Variants in RFTN2 observed in about 807,000 individuals in gnomAD.
The protein encoded by RFTN2 is raftlin-2.
In RFTN2, 34 loss-of-function variants were observed where a neutral mutation model predicts 52.7. That is an observed-to-expected ratio of 0.64 (90% CI 0.49 to 0.86). The LOEUF (loss-of-function observed/expected upper bound fraction) is 0.86, where lower values mean the gene tolerates loss of function less well. RFTN2 is among the 40% of genes least tolerant of loss of function. The pLI, the probability that RFTN2 is intolerant of heterozygous loss-of-function variation, is 0.00. For missense variants in RFTN2, 536 were observed against 600.1 expected, an observed-to-expected ratio of 0.89 and a Z score of 1.12; for synonymous variants, 203 against 217.7, an observed-to-expected ratio of 0.93 and a Z score of 0.59.
intron 5 of RFTN2, among the ~76,000 whole-genome samples, chr2:197,622,944 T>A (rs904809458): frequency 2.6e-5 from 4 of 152,224 alleles, no homozygotes; most frequent in Admixed American, 6.5e-5. Context: ...GAAAAAAAGA[T>A]GCCTTTCAAA....
intron 7 of RFTN2, among the ~76,000 whole-genome samples, chr2:197,608,190 C>T (rs1333650567): frequency 6.6e-6 from 1 of 152,164 alleles, no homozygotes; most frequent in Non-Finnish European, 1.5e-5. Context: ...CTGTGATGCC[C>T]ATGAGGCTGT....
chr2:197,629,637 A>C (rs2088428000), intron 5 of RFTN2, among the ~76,000 whole-genome samples: 1 of 151,878 alleles, frequency 6.6e-6, no homozygotes, highest in South Asian at 2.1e-4. Context: ...AGAGGCTTCC[A>C]ATAACCAAAA....
Position 197,625,176 on chromosome 2 carries a change from A to G in RFTN2, c.928+5835T>C, listed in dbSNP as rs189330849. 1.2e-4 allele frequency among the ~76,000 whole-genome samples: 19 copies of G among 152,242 alleles called. No individual in the cohort carries two copies. In the East Asian group the frequency reaches 2.5e-3, roughly 20 times the overall value. On this transcript the variant is annotated intron_variant, in intron 5 of 8. Coordinates refer to ENST00000295049, the MANE Select transcript of RFTN2 (RefSeq NM_144629.3). ...TTCTTTTCAAATATATTCATCTTAC[A>G]TAAAAGCCACTCAATCTTAAAGTAA...
chr2:197,598,952 C>T (rs927490281), intron 7 of RFTN2, among the ~76,000 whole-genome samples: 1 of 151,730 alleles, frequency 6.6e-6, no homozygotes, highest in African/African-American at 2.4e-5. Flanking sequence ...CCATATTCTT[C>T]TTCTTCTTTT....
intron 8 of RFTN2, among the ~76,000 whole-genome samples, chr2:197,579,310 CCT>C (rs1055576502): frequency 6.6e-6 from 1 of 152,158 alleles, no homozygotes; most frequent in Non-Finnish European, 1.5e-5. Context: ...ATGTCTCTAC[CCT>C]CTCTTTTCTC....
At chr2:197,618,006 G>A (rs1368384937) in intron 5 of RFTN2, 85 bp from the exon 6 acceptor site, 13 of 1,048,652 alleles carry the variant, frequency 1.2e-5, no homozygotes, top group Non-Finnish European at 1.7e-5. Flanking sequence ...AACTCATATA[G>A]GAAACTGAAG....
chr2:197,614,670 C>T (rs2088113731), intron 7 of RFTN2, among the ~76,000 whole-genome samples: 2 of 152,242 alleles, frequency 1.3e-5, no homozygotes, highest in Non-Finnish European at 2.9e-5. Flanking sequence ...ACCTGCCCAT[C>T]TGTGTGCTTC....
intron 8 of RFTN2, among the ~76,000 whole-genome samples, chr2:197,573,068 A>G (rs1458526602): frequency 6.6e-6 from 1 of 151,588 alleles, no homozygotes; most frequent in Non-Finnish European, 1.5e-5. Flanking sequence ...CAGGATGAGA[A>G]CAGACTAATA....
At chr2:197,672,216 CTAGAT>C (rs1472585495) in intron 1 of RFTN2, among the ~76,000 whole-genome samples, 1 of 152,102 alleles carries the variant, frequency 6.6e-6, no homozygotes. Flanking sequence ...TTCGGCCTAC[CTAGAT>C]GAAACTTTAA....
chr2:197,612,468 A>C (rs531265439), intron 7 of RFTN2, among the ~76,000 whole-genome samples: 67 of 152,292 alleles, frequency 4.4e-4, no homozygotes, highest in African/African-American at 1.5e-3. Flanking sequence ...CTTCTCCTTT[A>C]TTTTGGTGGT....
chr2:197,671,780 T>C (rs1194604580), intron 1 of RFTN2, among the ~76,000 whole-genome samples: 1 of 152,208 alleles, frequency 6.6e-6, no homozygotes, highest in South Asian at 2.1e-4. Context: ...GAAATTCAGA[T>C]AAGGAAGCTA....
intron 7 of RFTN2, among the ~76,000 whole-genome samples, chr2:197,608,980 T>A (rs975236259): frequency 1.2e-4 from 18 of 152,258 alleles, no homozygotes; most frequent in Admixed American, 1.2e-3. Flanking sequence ...TTTTTATGGC[T>A]GCATAGCATT....
At chr2:197,656,264 G>A (rs550462789) in intron 1 of RFTN2, among the ~76,000 whole-genome samples, 56 of 152,232 alleles carry the variant, frequency 3.7e-4, no homozygotes, top group Non-Finnish European at 6.5e-4. Context: ...CACACAGTAA[G>A]TGCTCTACAA....
At chr2:197,649,567 C>G (rs2088798127) in intron 1 of RFTN2, among the ~76,000 whole-genome samples, 1 of 152,090 alleles carries the variant, frequency 6.6e-6, no homozygotes, top group Non-Finnish European at 1.5e-5. Context: ...ATACTGCTGG[C>G]CTTGCTGCTC....
rs1290335083 is a variant in RFTN2, at chr2:197,633,911, G to T, written c.525C>A (p.Asn175Lys). The T allele has an allele frequency of 6.2e-7, 1 of 1,613,510 alleles. No individual in the cohort carries two copies. The highest frequency in any genetic ancestry group is 8.5e-7 in the Non-Finnish European group (1 of 1,179,572). Reference protein sequence around the residue: ...YSPSKFCNGTNHDGDIESMLH... With the variant: ...YSPSKFCNGTKHDGDIESMLH... ...GCATCGATTCTATATCTCCATCATG[G>T]TTGGTTCCATTGCAGAATTTAGATG... The change falls in exon 4 of 9, where the codon AAC becomes AAA. Residue 175 changes from asparagine (N) to lysine (K), a missense_variant. Transcript: ENST00000295049.
chr2:197,571,808 C>G lies in RFTN2; in HGVS notation c.*200G>C, dbSNP rs967987624. The G allele has an allele frequency of 5.1e-6, 3 of 586,652 alleles. No individual in the cohort carries two copies. In the African/African-American group the frequency reaches 5.6e-5, roughly 11 times the overall value. 36.3% of individuals were successfully genotyped at this position (586,652 alleles called of 1,614,324 possible). The stretch of plus-strand genomic sequence containing the variant: ...ATGTTTTAGTTGAGAGAAGTGTAAA[C>G]ATGATTCTAAATGTATAAATATGTT... On this transcript the variant is annotated 3_prime_UTR_variant, in exon 9 of 9. Coordinates refer to ENST00000295049, the MANE Select transcript of RFTN2 (RefSeq NM_144629.3).
chr2:197,646,378 C>T (rs1047183080), intron 2 of RFTN2, 105 bp downstream of exon 2: 2 of 821,352 alleles, frequency 2.4e-6, no homozygotes, highest in Non-Finnish European at 3.8e-6. Context: ...TAAACTAAAA[C>T]CCCCATGTGT....
intron 7 of RFTN2, among the ~76,000 whole-genome samples, chr2:197,610,610 C>A (rs1490364498): frequency 2.6e-5 from 4 of 152,188 alleles, no homozygotes; most frequent in Non-Finnish European, 5.9e-5. Flanking sequence ...TTATTTCTTT[C>A]TCTTGCCTGA....
chr2:197,619,223 C>T (rs1354102443), intron 5 of RFTN2, among the ~76,000 whole-genome samples: 1 of 152,040 alleles, frequency 6.6e-6, no homozygotes, highest in Non-Finnish European at 1.5e-5. Context: ...TGCCCGGCCA[C>T]CACCCCGTCT....
Sources: gnomAD v4.1 joint callset for allele counts (sites outside exome capture counted in the v4.1 genomes callset) on GRCh38, gnomAD v4.1.1 for gene constraint, MANE v1.5 for transcripts, NCBI Gene and HGNC (gene_info 2026-07-23, HGNC 2026-07-21) for gene names.